Variants in TMEM202 observed in about 807,000 individuals in gnomAD.
TMEM202 encodes the protein transmembrane protein 202.
Under a neutral mutation model 26.1 loss-of-function variants are expected in TMEM202, and 25 were observed. The ratio of observed to expected loss-of-function variants is 0.96; its 90% CI spans 0.70 to 1.34. The LOEUF (loss-of-function observed/expected upper bound fraction) is 1.34. Ranked by LOEUF, TMEM202 falls within the 40% of genes most tolerant of loss-of-function variation. The probability of loss-of-function intolerance (pLI) is 0.00; values close to 1 mark genes in which losing one functional copy is unlikely to be tolerated. For synonymous variants in TMEM202, 122 were observed against 119.0 expected (o/e 1.02, Z -0.16); for missense variants, 301 against 327.7 (o/e 0.92, Z 0.63).
In TMEM202 at chr15:72,406,732, C is replaced by T; in HGVS notation, c.468C>T (p.Ser156=). The stretch of plus-strand genomic sequence containing the variant: ...CCACCAACTTGGATCTGAAGGTATC[C>T]ATGCTCAGCTTCATCTCAGGTACAG... ...SMTTNLDLKV[S]MLSFISATCL... is the part of the protein sequence containing the mutation. The change falls in exon 3 of 5, where the codon TCC becomes TCT. Residue 156 remains serine, a synonymous_variant. Transcript: ENST00000341689. 6.2e-7 allele frequency: 1 copy of T among 1,614,136 alleles called. No individual in the cohort carries two copies. Among genetic ancestry groups the T allele is most frequent in the Non-Finnish European group, 8.5e-7 (1 of 1,180,012 alleles).
At chr15:72,402,875 G>C (rs1312216629) in intron 2 of TMEM202, among the ~76,000 whole-genome samples, 2 of 151,978 alleles carry the variant, frequency 1.3e-5, no homozygotes, top group African/African-American at 4.8e-5. Flanking sequence ...ACCTCTTCAG[G>C]GTCCTAAGTC....
At chr15:72,404,457 A>G (rs1360133581) in intron 2 of TMEM202, among the ~76,000 whole-genome samples, 1 of 152,068 alleles carries the variant, frequency 6.6e-6, no homozygotes, top group Non-Finnish European at 1.5e-5. Flanking sequence ...CAGAAGAATA[A>G]CATAGACTCC....
chr15:72,406,872 C>A (rs2063574346), intron 3 of TMEM202, 121 bp downstream of exon 3: 1 of 1,248,282 alleles, frequency 8.0e-7, no homozygotes, highest in Non-Finnish European at 1.1e-6. Flanking sequence ...ATCACACCAA[C>A]TTGCCAGCTA....
chr15:72,407,859 A>G lies in TMEM202; in HGVS notation c.788A>G (p.Glu263Gly). The change falls in exon 5 of 5, where the codon GAG (glutamate) becomes GGG (glycine). Residue 263 changes from glutamate (E) to glycine (G), a missense_variant. By Grantham distance (98) the Glu-to-Gly change is moderately conservative. Transcript: ENST00000341689. ...RSEMESLSVR[E>G]KNLPKSGLWW Reference sequence around the variant, plus strand: ...GAGATGGAATCTCTAAGTGTGAGAGAGAAAAATTTACCAAAGTCAGGACTG... The same window carrying G: ...GAGATGGAATCTCTAAGTGTGAGAGGGAAAAATTTACCAAAGTCAGGACTG... 6.2e-7 allele frequency: 1 copy of G among 1,614,032 alleles called. No homozygotes were observed. The highest frequency in any genetic ancestry group is 1.1e-5 in the South Asian group (1 of 91,076).
intron 2 of TMEM202, 71 bp from the exon 3 acceptor site, chr15:72,406,531 C>T: frequency 7.8e-7 from 1 of 1,287,700 alleles, no homozygotes; most frequent in Non-Finnish European, 1.1e-6. Context: ...CTCTAAGACT[C>T]TATCTGGCCT....
At chr15:72,399,692 T>C (rs180736743) in intron 2 of TMEM202, among the ~76,000 whole-genome samples, 10 of 152,358 alleles carry the variant, frequency 6.6e-5, no homozygotes, top group Admixed American at 6.5e-4. Flanking sequence ...AAATTTTATG[T>C]GAATTTAAAT....
rs899800816 is a variant in TMEM202 at position 72,399,629 on chromosome 15, G to A, written c.337+721G>A. 4.6e-5 allele frequency among the ~76,000 whole-genome samples: 7 copies of A among 152,148 alleles called. No homozygotes were observed. In the South Asian group the frequency reaches 1.0e-3, roughly 23 times the overall value. On this transcript the variant is annotated intron_variant, in intron 2 of 4. Coordinates refer to ENST00000341689, the MANE Select transcript of TMEM202 (RefSeq NM_001080462.3). ...GCAGTGGAATAGAACTTAAATGTAC[G>A]TTAGATATGTGGTATAACAAATGCC...
At chr15:72,402,545 G>A (rs543269619) in intron 2 of TMEM202, among the ~76,000 whole-genome samples, 2 of 152,298 alleles carry the variant, frequency 1.3e-5, no homozygotes, top group East Asian at 3.9e-4. Context: ...GGATGAAGAA[G>A]GGATGGGGAG....
rs2063535061 is a variant in TMEM202 at position 72,398,904 on chromosome 15, A to G, written c.333A>G (p.Pro111=). The part of the protein sequence containing the change: ...HELCWSHTPK[P]PYYLQYSRAF... Reference sequence around the variant, plus strand: ...TGTGCTGGAGCCACACACCCAAGCCACCCTGTGAGTGCCACCGAATTAAAT... The same window carrying G: ...TGTGCTGGAGCCACACACCCAAGCCGCCCTGTGAGTGCCACCGAATTAAAT... The change falls in exon 2 of 5, where the codon CCA becomes CCG. Residue 111 remains proline (P), a synonymous_variant. Coordinates refer to ENST00000341689, the MANE Select transcript of TMEM202 (RefSeq NM_001080462.3). 3 of 1,599,828 alleles carry G rather than the reference A, an allele frequency of 1.9e-6. No homozygotes were observed. Among genetic ancestry groups the G allele is most frequent in the Non-Finnish European group, 8.6e-7 (1 of 1,169,074 alleles).
chr15:72,403,886 T>C (rs2063559836), intron 2 of TMEM202, among the ~76,000 whole-genome samples: 1 of 152,202 alleles, frequency 6.6e-6, no homozygotes, highest in Non-Finnish European at 1.5e-5. Flanking sequence ...AAATTGTTCC[T>C]TCAGAGTTGT....
At position 72,398,821 on chromosome 15, in the gene TMEM202, G is replaced by A. The variant is rs778835066; in HGVS notation, c.250G>A (p.Val84Met). 12 of 1,614,030 alleles carry A rather than the reference G, an allele frequency of 7.4e-6. No homozygotes were observed. The South Asian group carries it at 1.3e-4, about 18-fold the overall frequency. Residue 84 changes from valine to methionine, a missense_variant, in exon 2 of 5, where the codon GTG (valine) becomes ATG (methionine). By Grantham distance (21) the Val-to-Met change is conservative (BLOSUM62 1). Coordinates refer to ENST00000341689, the MANE Select transcript of TMEM202 (RefSeq NM_001080462.3). ...MSPLNWVQFLVIKNGLELYAG... is the reference protein window; with the variant it reads ...MSPLNWVQFLMIKNGLELYAG... ...CCCACTGAACTGGGTACAGTTTCTG[G>A]TGATCAAGAATGGCCTTGAGCTCTA...
In TMEM202 at chr15:72,406,593, T is replaced by C; in HGVS notation, c.338-9T>C. 6.2e-7 allele frequency: 1 copy of C among 1,613,394 alleles called. No individual in the cohort carries two copies. On this transcript the variant is annotated splice_polypyrimidine_tract_variant and intron_variant, in intron 2 of 4. Transcript: ENST00000341689. ...TAACCACGGTCTTCCTTTCCTCTTC[T>C]TCATGCAGATTATCTCCAATATTCC...
intron 2 of TMEM202, among the ~76,000 whole-genome samples, chr15:72,400,352 G>A (rs1184752924): frequency 6.6e-6 from 1 of 152,206 alleles, no homozygotes; most frequent in Admixed American, 6.5e-5. Flanking sequence ...ATTTTTAAAT[G>A]ATAATGCAAC....
chr15:72,406,799 G>A (rs2140359967), intron 3 of TMEM202, 48 bp downstream of exon 3: 2 of 1,589,222 alleles, frequency 1.3e-6, no homozygotes, highest in Non-Finnish European at 1.7e-6. Context: ...AAATAGTCAA[G>A]GTAACAAATT....
chr15:72,406,648 C>T lies in TMEM202; in HGVS notation c.384C>T (p.Thr128=). The change falls in exon 3 of 5, where the codon ACC becomes ACT. Residue 128 remains threonine (T), a synonymous_variant. Coordinates refer to ENST00000341689, the MANE Select transcript of TMEM202 (RefSeq NM_001080462.3). The part of the protein sequence containing the change: ...SRAFFLISVF[T]ILTGLGWLFS... ...CCTTCTTTCTCATCTCTGTCTTTAC[C>T]ATACTTACTGGCCTTGGCTGGCTCT... The T allele has an allele frequency of 6.2e-7, 1 of 1,613,878 alleles. No individual in the cohort carries two copies.
At chr15:72,400,050 AGAAAC>A (rs2063540477) in intron 2 of TMEM202, among the ~76,000 whole-genome samples, 1 of 152,232 alleles carries the variant, frequency 6.6e-6, no homozygotes, top group South Asian at 2.1e-4. Flanking sequence ...GATCTTGAGA[AGAAAC>A]TAAAATCAAA....
chr15:72,408,148 A>G lies in TMEM202; in HGVS notation c.*255A>G. On this transcript the variant is annotated 3_prime_UTR_variant, in exon 5 of 5. Transcript: ENST00000341689. ...GAGTCATGAATGAAAGAAACTAGTG[A>G]AAGATGCAGTGTGTAGACCAGAGAC... is the stretch of plus-strand genomic sequence containing the variant. 2.3e-6 allele frequency: 1 copy of G among 427,442 alleles called. No individual in the cohort carries two copies. 26.5% of individuals were successfully genotyped at this position (427,442 alleles called of 1,614,324 possible). A position where few individuals can be genotyped will look rare whatever the true frequency, so the allele number is the denominator to read the frequency against.
chr15:72,407,705 C>T lies in TMEM202; in HGVS notation c.634C>T (p.Leu212Phe), dbSNP rs748904232. ...CCTTCCCGTAGGGATCATCTCTCTT[C>T]TCAACTACTTAACTTCCAGATCGCC... is the stretch of plus-strand genomic sequence containing the variant. The part of the protein sequence containing the change: ...FYMFAGIISL[L>F]NYLTSRSPAC... The change falls in exon 5 of 5, where the codon CTC becomes TTC. Residue 212 changes from leucine to phenylalanine, a missense_variant. Transcript: ENST00000341689. The T allele has an allele frequency of 1.9e-6, 3 of 1,613,812 alleles. No homozygotes were observed. The African/African-American group carries it at 4.0e-5, about 22-fold the overall frequency.
intron 2 of TMEM202, among the ~76,000 whole-genome samples, chr15:72,402,147 G>A (rs1022769803): frequency 3.9e-5 from 6 of 152,084 alleles, no homozygotes; most frequent in African/African-American, 1.4e-4. Flanking sequence ...TGTGTTTTTA[G>A]TAGAGATGGG....
Sources: allele counts gnomAD v4.1 joint callset (sites outside exome capture counted in the v4.1 genomes callset), GRCh38; gene constraint gnomAD v4.1.1; transcripts MANE v1.5; gene names NCBI Gene and HGNC (gene_info 2026-07-23, HGNC 2026-07-21).